Variants in UNC5C observed in about 807,000 individuals in gnomAD.
UNC5C encodes netrin receptor UNC5C.
UNC5C carries 47 observed loss-of-function variants against 99.8 expected under a neutral mutation model. That is an observed-to-expected ratio of 0.47 (90% CI 0.37 to 0.60). UNC5C has a LOEUF of 0.60. UNC5C is among the 20% of genes least tolerant of loss of function. The pLI is 0.00. For missense variants in UNC5C, 1,062 were observed against 1,165.9 expected, an observed-to-expected ratio of 0.91 and a Z score of 1.30; for synonymous variants, 487 against 452.2, an observed-to-expected ratio of 1.08 and a Z score of -0.98.
At chr4:95,188,118 A>G (rs1198247584) in intron 12 of UNC5C, among the ~76,000 whole-genome samples, 1 of 151,898 alleles carries the variant, frequency 6.6e-6, no homozygotes, top group Non-Finnish European at 1.5e-5. Flanking sequence ...CTAATACTGT[A>G]TTTTTTTTGG....
chr4:95,204,196 T>C (rs1484622054), intron 11 of UNC5C, among the ~76,000 whole-genome samples: 1 of 152,212 alleles, frequency 6.6e-6, no homozygotes, highest in African/African-American at 2.4e-5. Flanking sequence ...TGAAAACATT[T>C]AGCAAGAAAT....
chr4:95,284,241 A>T (rs1188628429), intron 3 of UNC5C, among the ~76,000 whole-genome samples: 1 of 152,208 alleles, frequency 6.6e-6, no homozygotes, highest in Non-Finnish European at 1.5e-5. Context: ...GTTAGCAGAA[A>T]AGAAGACTCA....
chr4:95,260,992 A>C (rs1740201055), intron 4 of UNC5C, among the ~76,000 whole-genome samples: 1 of 152,184 alleles, frequency 6.6e-6, no homozygotes, highest in African/African-American at 2.4e-5. Flanking sequence ...AAGAGCTTGC[A>C]CAGGTTTATA....
intron 14 of UNC5C, among the ~76,000 whole-genome samples, chr4:95,174,700 TG>T (rs1736263052): frequency 6.7e-6 from 1 of 149,780 alleles, no homozygotes; most frequent in African/African-American, 2.5e-5. Flanking sequence ...GGTGTGGTGC[TG>T]AAAAAAATGT....
At chr4:95,334,540 C>A (rs995681604) in intron 2 of UNC5C, among the ~76,000 whole-genome samples, 1 of 151,834 alleles carries the variant, frequency 6.6e-6, no homozygotes, top group African/African-American at 2.4e-5. Flanking sequence ...TGCTGGAGAG[C>A]AAAAACACGT....
chr4:95,456,079 C>T (rs1578173470), intron 1 of UNC5C, among the ~76,000 whole-genome samples: 2 of 152,016 alleles, frequency 1.3e-5, no homozygotes, highest in Non-Finnish European at 2.9e-5. Flanking sequence ...GTGAAAAACA[C>T]ACAGCTCATT....
intron 1 of UNC5C, among the ~76,000 whole-genome samples, chr4:95,396,101 GAATA>G (rs1745500942): frequency 6.6e-6 from 1 of 152,208 alleles, no homozygotes; most frequent in Non-Finnish European, 1.5e-5. Flanking sequence ...TTTCAACCTA[GAATA>G]AACCCAGAGG....
chr4:95,172,546 T>C (rs892790537), intron 14 of UNC5C, among the ~76,000 whole-genome samples: 2 of 152,004 alleles, frequency 1.3e-5, no homozygotes, highest in African/African-American at 4.8e-5. Context: ...GATCAGATAG[T>C]TGTAGATATG....
At chr4:95,271,525 G>A (rs775503816) in intron 4 of UNC5C, among the ~76,000 whole-genome samples, 79 of 152,140 alleles carry the variant, frequency 5.2e-4, no homozygotes, top group Non-Finnish European at 1.0e-3. Context: ...CACCGCGCCC[G>A]GCCACAGCTG....
At chr4:95,469,167 G>A (rs182778836) in intron 1 of UNC5C, among the ~76,000 whole-genome samples, 4 of 152,022 alleles carry the variant, frequency 2.6e-5, no homozygotes, top group South Asian at 2.1e-4. Context: ...GCATTTCTTC[G>A]TTCCCAGACT....
In UNC5C at chr4:95,288,435, T is replaced by A. The variant is rs145209289; in HGVS notation, c.491-10073A>T. 3.4e-3 allele frequency among the ~76,000 whole-genome samples: 512 copies of A among 152,280 alleles called. 1 individual carries two copies. The highest frequency in any genetic ancestry group is 0.012 in the African/African-American group (479 of 41,566). On this transcript the variant is annotated intron_variant, in intron 3 of 15. Coordinates refer to ENST00000453304, the MANE Select transcript of UNC5C (RefSeq NM_003728.4). The stretch of plus-strand genomic sequence containing the variant: ...GAGAGGCTAACTCACTCATTCAAGC[T>A]CACCAGCTATTTAGAAGTGGATTAC...
intron 3 of UNC5C, among the ~76,000 whole-genome samples, chr4:95,291,112 T>A (rs1281048662): frequency 6.6e-6 from 1 of 151,792 alleles, no homozygotes; most frequent in South Asian, 2.1e-4. Flanking sequence ...TTTAAAAAAA[T>A]AAATATTTCA....
At chr4:95,254,145 CA>C (rs1270582038) in intron 4 of UNC5C, among the ~76,000 whole-genome samples, 1 of 152,096 alleles carries the variant, frequency 6.6e-6, no homozygotes, top group Non-Finnish European at 1.5e-5. Context: ...CTCATGTCAC[CA>C]GATTATATCA....
At chr4:95,415,565 C>T (rs1369970334) in intron 1 of UNC5C, among the ~76,000 whole-genome samples, 1 of 152,072 alleles carries the variant, frequency 6.6e-6, no homozygotes, top group Non-Finnish European at 1.5e-5. Flanking sequence ...TGCCACTTTT[C>T]TTGTCTCTGG....
At chr4:95,224,052 G>A (rs1431716713) in intron 7 of UNC5C, among the ~76,000 whole-genome samples, 1 of 152,180 alleles carries the variant, frequency 6.6e-6, no homozygotes, top group Non-Finnish European at 1.5e-5. Flanking sequence ...AGATGCTGAG[G>A]CAGGTGGATC....
chr4:95,336,660 A>G (rs1434727673), intron 1 of UNC5C, among the ~76,000 whole-genome samples: 1 of 151,878 alleles, frequency 6.6e-6, no homozygotes, highest in Non-Finnish European at 1.5e-5. Flanking sequence ...CATTCAAGTC[A>G]TAAGATAGCT....
chr4:95,320,525 G>A (rs1235288805), intron 2 of UNC5C, among the ~76,000 whole-genome samples: 1 of 151,990 alleles, frequency 6.6e-6, no homozygotes, highest in Admixed American at 6.6e-5. Flanking sequence ...GTACAATATG[G>A]CTTTTAACAA....
intron 1 of UNC5C, among the ~76,000 whole-genome samples, chr4:95,476,637 T>C (rs1748156421): frequency 6.6e-6 from 1 of 152,120 alleles, no homozygotes; most frequent in South Asian, 2.1e-4. Flanking sequence ...ACACAGAATT[T>C]CAAATATTTC....
intron 1 of UNC5C, among the ~76,000 whole-genome samples, chr4:95,498,315 C>A (rs935467621): frequency 6.6e-6 from 1 of 151,820 alleles, no homozygotes; most frequent in East Asian, 1.9e-4. Context: ...TATTTTCTAG[C>A]CTCAAATCAG....
Sources: allele counts gnomAD v4.1 joint callset (sites outside exome capture counted in the v4.1 genomes callset), GRCh38; gene constraint gnomAD v4.1.1; transcripts MANE v1.5; gene names NCBI Gene and HGNC (gene_info 2026-07-23, HGNC 2026-07-21).